CFTR: variants seen among roughly 807,000 people sequenced by gnomAD.
CFTR encodes cystic fibrosis transmembrane conductance regulator.
In CFTR, 181 loss-of-function variants were observed where a neutral mutation model predicts 171.6. The observed-to-expected ratio is 1.05, with a 90% CI of 0.93 to 1.19. CFTR has a LOEUF of 1.19. Among genes scored for constraint, CFTR ranks in the 50% most tolerant of loss-of-function variants. The pLI is 0.00. For missense variants in CFTR, 1,968 were observed against 1,734.7 expected, an observed-to-expected ratio of 1.13 and a Z score of -2.39; for synonymous variants, 583 against 608.0, an observed-to-expected ratio of 0.96 and a Z score of 0.60.
chr7:117,547,268 A>G (rs1222988487), intron 9 of CFTR, among the ~76,000 whole-genome samples: 1 of 152,140 alleles, frequency 6.6e-6, no homozygotes, highest in Non-Finnish European at 1.5e-5. Context: ...ATTTTTCAAC[A>G]TAGTTTTAAG....
rs1329750819 is a variant in CFTR at position 117,534,312 on chromosome 7, A to C, written c.526A>C (p.Ser176Arg). 1 of 1,604,714 alleles carries C rather than the reference A, an allele frequency of 6.2e-7. No individual in the cohort carries two copies. The highest frequency in any genetic ancestry group is 1.1e-5 in the South Asian group (1 of 90,850). ...GTCAAGCCGTGTTCTAGATAAAATA[A>C]GTATTGGACAACTTGTTAGTCTCCT... is the stretch of plus-strand genomic sequence containing the variant. Reference protein sequence around the residue: ...KLSSRVLDKISIGQLVSLLSN... With the variant: ...KLSSRVLDKIRIGQLVSLLSN... The change falls in exon 5 of 27, where the codon AGT becomes CGT. Residue 176 changes from serine to arginine, a missense_variant. Ser to Arg is a moderately radical substitution (Grantham distance 110, BLOSUM62 -1). Coordinates refer to ENST00000003084, the MANE Select transcript of CFTR (RefSeq NM_000492.4).
chr7:117,591,959 A>G lies in CFTR; in HGVS notation c.1792A>G (p.Lys598Glu), dbSNP rs397508302. Residue 598 changes from lysine (K) to glutamate (E), a missense_variant, in exon 14 of 27, where the codon AAA becomes GAA. By Grantham distance (56) the Lys-to-Glu change is moderately conservative. Transcript: ENST00000003084. ...CTGTGTCTGTAAACTGATGGCTAAC[A>G]AAACTAGGATTTTGGTCACTTCTAA... Reference protein sequence around the residue: ...ESCVCKLMANKTRILVTSKME... With the variant: ...ESCVCKLMANETRILVTSKME... 1.3e-6 allele frequency: 2 copies of G among 1,591,848 alleles called. No individual in the cohort carries two copies. The highest frequency in any genetic ancestry group is 1.7e-6 in the Non-Finnish European group (2 of 1,172,532).
rs146463120 is a variant in CFTR at position 117,542,095 on chromosome 7, C to G, written c.1196C>G (p.Ala399Gly). ...GAAGTAGTGATGGAGAATGTAACAG[C>G]CTTCTGGGAGGAGGTCAGAATTTTT... ...TTEVVMENVT[A>G]FWEEGFGELF... The change falls in exon 9 of 27, where the codon GCC becomes GGC. Residue 399 changes from alanine (A) to glycine (G), a missense_variant. Transcript: ENST00000003084. The G allele has an allele frequency of 5.0e-6, 8 of 1,585,350 alleles. No homozygotes were observed. The South Asian group carries it at 6.6e-5, about 13-fold the overall frequency.
At chr7:117,566,398 G>C (rs1791602976) in intron 11 of CFTR, among the ~76,000 whole-genome samples, 1 of 152,046 alleles carries the variant, frequency 6.6e-6, no homozygotes, top group African/African-American at 2.4e-5. Flanking sequence ...TTGCGCCACT[G>C]CACTCTAGCC....
chr7:117,659,824 A>C (rs1358165675), intron 24 of CFTR, among the ~76,000 whole-genome samples: 1 of 152,238 alleles, frequency 6.6e-6, no homozygotes, highest in Non-Finnish European at 1.5e-5. Flanking sequence ...AAAAATCTAC[A>C]GAGTAGCAAA....
chr7:117,583,560 T>C (rs1791883976), intron 11 of CFTR, among the ~76,000 whole-genome samples: 1 of 152,198 alleles, frequency 6.6e-6, no homozygotes, highest in Non-Finnish European at 1.5e-5. Flanking sequence ...ACATTTTCTT[T>C]ATCCACTTGT....
At chr7:117,510,828 G>T (rs761708121) in intron 3 of CFTR, among the ~76,000 whole-genome samples, 5 of 152,004 alleles carry the variant, frequency 3.3e-5, no homozygotes, top group Non-Finnish European at 5.9e-5. Flanking sequence ...ATCTGTTCCA[G>T]TTCAATATGA....
At chr7:117,634,762 C>A (rs558660218) in intron 22 of CFTR, among the ~76,000 whole-genome samples, 1 of 151,980 alleles carries the variant, frequency 6.6e-6, no homozygotes, top group Non-Finnish European at 1.5e-5. Flanking sequence ...AATTTTCTAG[C>A]TATCTTTCTG....
At chr7:117,491,886 T>C (rs1341559278) in intron 1 of CFTR, among the ~76,000 whole-genome samples, 1 of 152,064 alleles carries the variant, frequency 6.6e-6, no homozygotes, top group Non-Finnish European at 1.5e-5. Context: ...CAGAATGCGA[T>C]ATGGAAGTAA....
chr7:117,517,965 G>A (rs1190615104), intron 3 of CFTR, among the ~76,000 whole-genome samples: 1 of 152,016 alleles, frequency 6.6e-6, no homozygotes, highest in African/African-American at 2.4e-5. Flanking sequence ...TTTGTCAGGT[G>A]GATAGATTGC....
intron 6 of CFTR, 92 bp downstream of exon 6, chr7:117,535,503 C>A: frequency 1.4e-5 from 12 of 862,848 alleles, no homozygotes; most frequent in Non-Finnish European, 1.8e-5. Flanking sequence ...ATGCATAGAA[C>A]AGTGATCTTC....
rs1792675319 is a variant in CFTR at position 117,627,692 on chromosome 7, A to T, written c.3639A>T (p.Lys1213Asn). 6.2e-7 allele frequency: 1 copy of T among 1,613,316 alleles called. No individual in the cohort carries two copies. The highest frequency in any genetic ancestry group is 1.3e-5 in the African/African-American group (1 of 74,988). Residue 1213 changes from lysine (K) to asparagine (N), a missense_variant, in exon 22 of 27, where the codon AAA (lysine) becomes AAT (asparagine). Lys to Asn is a moderately conservative substitution (Grantham distance 94, BLOSUM62 0). Transcript: ENST00000003084. ...CCTCAGGGGGCCAAATGACTGTCAAAGATCTCACAGCAAAATACACAGAAG... is the reference window on the plus strand; with the variant it reads ...CCTCAGGGGGCCAAATGACTGTCAATGATCTCACAGCAAAATACACAGAAG... ...IWPSGGQMTV[K>N]DLTAKYTEGG...
intron 21 of CFTR, among the ~76,000 whole-genome samples, chr7:117,626,886 C>A (rs1792658973): frequency 6.6e-6 from 1 of 151,888 alleles, no homozygotes; most frequent in Admixed American, 6.6e-5. Context: ...ATTTATAAAG[C>A]AGATAAATAT....
intron 20 of CFTR, among the ~76,000 whole-genome samples, chr7:117,612,044 T>A (rs1184966091): frequency 5.3e-4 from 40 of 75,952 alleles, no homozygotes; most frequent in Non-Finnish European, 5.4e-4. Flanking sequence ...TATATATATA[T>A]ATATATATAC....
intron 23 of CFTR, among the ~76,000 whole-genome samples, chr7:117,642,811 G>C (rs1792941207): frequency 6.6e-6 from 1 of 152,136 alleles, no homozygotes; most frequent in African/African-American, 2.4e-5. Context: ...AGCTTTGATA[G>C]TGTTTTTCAG....
intron 15 of CFTR, among the ~76,000 whole-genome samples, chr7:117,598,658 G>A (rs1417251817): frequency 1.3e-5 from 2 of 152,092 alleles, no homozygotes; most frequent in Non-Finnish European, 2.9e-5. Flanking sequence ...CATGTTATTT[G>A]CCCTGCTGTT....
At chr7:117,482,827 G>A (rs188419818) in intron 1 of CFTR, among the ~76,000 whole-genome samples, 165 of 152,280 alleles carry the variant, frequency 1.1e-3, no homozygotes, top group Admixed American at 2.3e-3. Flanking sequence ...TTGTAAGAGT[G>A]TATATCAAAC....
chr7:117,559,690 T>C (rs914453550), intron 11 of CFTR, 35 bp downstream of exon 11: 1 of 1,440,078 alleles, frequency 6.9e-7, no homozygotes. Context: ...TGATTATGCA[T>C]ATGAACCCTT....
intron 7 of CFTR, among the ~76,000 whole-genome samples, chr7:117,537,387 A>G (rs755669443): frequency 6.9e-5 from 10 of 145,124 alleles, no homozygotes; most frequent in Non-Finnish European, 1.2e-4. Flanking sequence ...GCATTTCTGT[A>G]GCAATGAGAC....
Sources: gnomAD v4.1 joint callset for allele counts (sites outside exome capture counted in the v4.1 genomes callset) on GRCh38, gnomAD v4.1.1 for gene constraint, MANE v1.5 for transcripts, NCBI Gene and HGNC (gene_info 2026-07-23, HGNC 2026-07-21) for gene names.